CDK5RAP2: variants seen among roughly 807,000 people sequenced by gnomAD.
The protein encoded by CDK5RAP2 is CDK5 regulatory subunit-associated protein 2.
In CDK5RAP2, 147 loss-of-function variants were observed where a neutral mutation model predicts 232.9. The observed-to-expected ratio is 0.63, with a 90% CI of 0.55 to 0.72. CDK5RAP2 has a LOEUF of 0.72. CDK5RAP2 is among the 30% of genes least tolerant of loss of function. The pLI is 0.00. For missense variants in CDK5RAP2, 2,195 were observed against 2,231.5 expected (o/e 0.98, Z 0.33); for synonymous variants, 833 against 833.7 (o/e 1.00, Z 0.01).
intron 14 of CDK5RAP2, 46 bp downstream of exon 14, chr9:120,487,248 G>A (rs750941473): frequency 6.2e-6 from 10 of 1,604,114 alleles, no homozygotes; most frequent in Non-Finnish European, 7.7e-6. Flanking sequence ...TCAAAAAAGT[G>A]TATGAATCCA....
intron 3 of CDK5RAP2, among the ~76,000 whole-genome samples, chr9:120,561,113 C>T (rs2042447703): frequency 6.6e-6 from 1 of 152,094 alleles, no homozygotes; most frequent in Non-Finnish European, 1.5e-5. Context: ...AACTTGGCTA[C>T]CCAAAGTTCA....
chr9:120,408,616 TCTAATC>T, intron 30 of CDK5RAP2, 148 bp from the exon 31 acceptor site: 3 of 896,358 alleles, frequency 3.3e-6, no homozygotes, highest in Non-Finnish European at 3.5e-6. Context: ...CCATGTGCTC[TCTAATC>T]CTAATTCCAC....
intron 3 of CDK5RAP2, among the ~76,000 whole-genome samples, chr9:120,558,535 C>A (rs2042332866): frequency 6.6e-6 from 1 of 152,134 alleles, no homozygotes; most frequent in African/African-American, 2.4e-5. Flanking sequence ...CCTGCCACAG[C>A]CACAAAGTGC....
intron 12 of CDK5RAP2, among the ~76,000 whole-genome samples, chr9:120,511,320 T>A (rs1186486980): frequency 6.6e-6 from 1 of 152,204 alleles, no homozygotes; most frequent in Non-Finnish European, 1.5e-5. Context: ...AGGATTTAGG[T>A]CAGGGCTCAT....
intron 8 of CDK5RAP2, 83 bp downstream of exon 8, chr9:120,529,895 T>G: frequency 7.6e-7 from 1 of 1,323,478 alleles, no homozygotes; most frequent in South Asian, 1.2e-5. Context: ...GTGTGAACCA[T>G]GAGGACCGAA....
chr9:120,559,444 G>A (rs2042375448), intron 3 of CDK5RAP2, among the ~76,000 whole-genome samples: 1 of 144,006 alleles, frequency 6.9e-6, no homozygotes, highest in Non-Finnish European at 1.5e-5. Context: ...CCGAGATCAG[G>A]CCACTGCACT....
chr9:120,571,792 T>C lies in CDK5RAP2; in HGVS notation c.127+182A>G, dbSNP rs2042863954. On this transcript the variant is annotated intron_variant, in intron 2 of 37. Transcript: ENST00000349780. ...GCCAAAAGGACAACAATTCCTCTAG[T>C]CCAGTGTTTATGAAAGGAGGTGGAA... The C allele has an allele frequency of 1.1e-5, 7 of 653,698 alleles. No homozygotes were observed. In the Admixed American group the frequency reaches 1.3e-4, roughly 12 times the overall value. 40.5% of individuals were successfully genotyped at this position (653,698 alleles called of 1,614,324 possible).
At chr9:120,548,032 G>A (rs1294589718) in intron 4 of CDK5RAP2, among the ~76,000 whole-genome samples, 1 of 152,188 alleles carries the variant, frequency 6.6e-6, no homozygotes, top group African/African-American at 2.4e-5. Flanking sequence ...CCATGACATG[G>A]GGGCCTTAAG....
chr9:120,389,890 G>A, intron 36 of CDK5RAP2, 103 bp from the exon 37 acceptor site: 1 of 1,002,058 alleles, frequency 1.0e-6, no homozygotes, highest in Non-Finnish European at 1.6e-6. Context: ...AAAGGGCTCG[G>A]ACATGTAGAC....
intron 3 of CDK5RAP2, among the ~76,000 whole-genome samples, chr9:120,554,447 T>G (rs745899576): frequency 1.3e-5 from 2 of 152,174 alleles, no homozygotes; most frequent in African/African-American, 4.8e-5. Context: ...GCAGAAAGAT[T>G]AGTGGCTTTG....
intron 27 of CDK5RAP2, among the ~76,000 whole-genome samples, chr9:120,418,937 A>G (rs896695245): frequency 1.3e-5 from 2 of 152,210 alleles, no homozygotes; most frequent in Admixed American, 1.3e-4. Context: ...CCATGGTCGG[A>G]GGCAGAGCAA....
At chr9:120,542,732 CTG>C (rs2041688954) in intron 5 of CDK5RAP2, among the ~76,000 whole-genome samples, 1 of 152,204 alleles carries the variant, frequency 6.6e-6, no homozygotes, top group Admixed American at 6.5e-5. Flanking sequence ...AGTCTCTCCT[CTG>C]TGAAATGAGG....
At chr9:120,547,870 G>A (rs2041907367) in intron 4 of CDK5RAP2, among the ~76,000 whole-genome samples, 1 of 152,324 alleles carries the variant, frequency 6.6e-6, no homozygotes, top group African/African-American at 2.4e-5. Context: ...ACCAACCACA[G>A]AAGACACTGA....
intron 25 of CDK5RAP2, among the ~76,000 whole-genome samples, chr9:120,428,749 T>G (rs1472676983): frequency 6.6e-6 from 1 of 152,182 alleles, no homozygotes. Context: ...CCTCCCTAAC[T>G]CATTTTATGA....
At chr9:120,391,000 CCTG>C (rs1191435263) in intron 36 of CDK5RAP2, among the ~76,000 whole-genome samples, 1 of 152,128 alleles carries the variant, frequency 6.6e-6, no homozygotes, top group Non-Finnish European at 1.5e-5. Context: ...AACCTGACCT[CCTG>C]CTGCAGGGCA....
intron 25 of CDK5RAP2, among the ~76,000 whole-genome samples, chr9:120,427,093 C>G (rs2034956111): frequency 6.6e-6 from 1 of 152,124 alleles, no homozygotes; most frequent in African/African-American, 2.4e-5. Context: ...TGAGCTCCCC[C>G]TATTTGTCAA....
chr9:120,429,380 T>C (rs1167354952), intron 25 of CDK5RAP2, among the ~76,000 whole-genome samples: 4 of 152,060 alleles, frequency 2.6e-5, no homozygotes, highest in Non-Finnish European at 2.9e-5. Context: ...AGCCCAAAAT[T>C]TCCTTAAGCT....
rs7040688 is a variant in CDK5RAP2, at chr9:120,447,583, A to G, written c.3025+312T>C. Among the ~76,000 whole-genome samples the G allele has an allele frequency of 0.092, 13,934 of 152,280 alleles. 1,337 individuals are homozygous for G. The highest frequency in any genetic ancestry group is 0.25 in the African/African-American group (10,313 of 41,530). The stretch of plus-strand genomic sequence containing the variant: ...ACCTCTGATGCCACACGCCAGAGGC[A>G]TCCACAGACAAAGCCAAACACAACT... On this transcript the variant is annotated intron_variant, in intron 22 of 37. Coordinates refer to ENST00000349780, the MANE Select transcript of CDK5RAP2 (RefSeq NM_018249.6).
intron 25 of CDK5RAP2, 45 bp downstream of exon 25, chr9:120,437,250 G>A: frequency 7.2e-7 from 1 of 1,395,912 alleles, no homozygotes; most frequent in Non-Finnish European, 1.0e-6. Flanking sequence ...GAAGTCCTGG[G>A]TCAATTACTG....
Sources: allele counts gnomAD v4.1 joint callset (sites outside exome capture counted in the v4.1 genomes callset), GRCh38; gene constraint gnomAD v4.1.1; transcripts MANE v1.5; gene names NCBI Gene and HGNC (gene_info 2026-07-23, HGNC 2026-07-21).